LIMCH1: variants seen among roughly 807,000 people sequenced by gnomAD.
The protein encoded by LIMCH1 is LIM and calponin homology domains 1.
LIMCH1 carries 113 observed loss-of-function variants against 176.5 expected under a neutral mutation model. The observed-to-expected ratio is 0.64, with a 90% confidence interval of 0.55 to 0.75. The LOEUF is 0.75. Ranked by LOEUF, LIMCH1 falls within the 30% of genes least tolerant of loss-of-function variation. LIMCH1 has a pLI of 0.00. For missense variants in LIMCH1, 1,674 were observed against 1,814.9 expected (o/e 0.92, Z 1.41); for synonymous variants, 619 against 645.9 (o/e 0.96, Z 0.63).
chr4:41,620,754 C>A, intron 7 of LIMCH1, 64 bp downstream of exon 7: 1 of 1,455,750 alleles, frequency 6.9e-7, no homozygotes, highest in South Asian at 1.4e-5. Flanking sequence ...TGGAATCTGT[C>A]TAGAGAGTTG....
chr4:41,399,421 G>C (rs979493150), intron 1 of LIMCH1, among the ~76,000 whole-genome samples: 1 of 152,154 alleles, frequency 6.6e-6, no homozygotes, highest in African/African-American at 2.4e-5. Context: ...GAAGTTGGGC[G>C]ATCCTTTCAG....
Position 41,650,606 on chromosome 4 carries a change from G to A in LIMCH1, c.3034G>A (p.Ala1012Thr), listed in dbSNP as rs758843491. The A allele has an allele frequency of 5.0e-5, 81 of 1,611,472 alleles. No homozygotes were observed. The African/African-American group carries it at 5.9e-4, about 12-fold the overall frequency. The change falls in exon 18 of 32, where the codon GCA (alanine) becomes ACA (threonine). Residue 1012 changes from alanine to threonine, a missense_variant and splice_region_variant. Around this residue, in one of 3 missense-constraint regions of LIMCH1, gnomAD observed 1,015 missense variants for 1,102.5 expected, o/e 0.92. Coordinates refer to ENST00000503057, the MANE Select transcript of LIMCH1 (RefSeq NM_001330672.2). ...GCCAAACTCTGTTCCCCAAGAGCTC[G>A]CAGTAAGAACCAAACATTTCCCCGC... ...KKPNSVPQEL[A>T]ATTEKTEPNS...
intron 1 of LIMCH1, among the ~76,000 whole-genome samples, chr4:41,385,308 G>A (rs1392034968): frequency 6.6e-6 from 1 of 152,180 alleles, no homozygotes; most frequent in East Asian, 1.9e-4. Flanking sequence ...GTGAGCAAGT[G>A]AGCCTCCTCT....
At chr4:41,661,907 T>C in intron 19 of LIMCH1, 1 of 403,364 alleles carries the variant, frequency 2.5e-6, no homozygotes, top group South Asian at 1.8e-5. Context: ...TCACATATAG[T>C]TAAAAATGAA....
chr4:41,378,327 T>C (rs1247233785), intron 1 of LIMCH1, among the ~76,000 whole-genome samples: 4 of 152,206 alleles, frequency 2.6e-5, no homozygotes, highest in Non-Finnish European at 5.9e-5. Context: ...TTACTAATGC[T>C]ATGACTGTGG....
At chr4:41,606,085 A>G (rs983664418) in intron 4 of LIMCH1, 81 bp downstream of exon 4, 31 of 945,358 alleles carry the variant, frequency 3.3e-5, no homozygotes, top group Non-Finnish European at 5.2e-5. Flanking sequence ...TAAGATTACT[A>G]GAGTACTGGG....
intron 1 of LIMCH1, among the ~76,000 whole-genome samples, chr4:41,361,707 C>G (rs944367072): frequency 1.3e-5 from 2 of 152,196 alleles, no homozygotes; most frequent in African/African-American, 4.8e-5. Context: ...GTCCCGGAAG[C>G]GCTCACTGGG....
intron 1 of LIMCH1, among the ~76,000 whole-genome samples, chr4:41,438,033 G>T (rs528626047): frequency 6.6e-6 from 1 of 152,290 alleles, no homozygotes; most frequent in Non-Finnish European, 1.5e-5. Context: ...AGAAAGTGCT[G>T]GGGGCATTCA....
At chr4:41,450,906 T>C (rs1274502413) in intron 1 of LIMCH1, among the ~76,000 whole-genome samples, 2 of 151,936 alleles carry the variant, frequency 1.3e-5, no homozygotes, top group African/African-American at 4.8e-5. Flanking sequence ...ACAGATTGAG[T>C]TCTCAATTTG....
intron 1 of LIMCH1, among the ~76,000 whole-genome samples, chr4:41,567,905 A>C (rs367612008): frequency 1.3e-5 from 2 of 152,212 alleles, no homozygotes; most frequent in African/African-American, 4.8e-5. Context: ...CTGTAATCCC[A>C]GCACTCTGGG....
intron 3 of LIMCH1, among the ~76,000 whole-genome samples, chr4:41,524,702 T>A (rs928166793): frequency 2.0e-5 from 3 of 152,232 alleles, no homozygotes; most frequent in African/African-American, 2.4e-5. Flanking sequence ...GATAAGGACC[T>A]TCATTCTCAA....
rs1310882964 is a variant in LIMCH1 at position 41,632,855 on chromosome 4, G to C, written c.1708G>C (p.Gly570Arg). The C allele has an allele frequency of 6.5e-7, 1 of 1,536,142 alleles. No individual in the cohort carries two copies. The highest frequency in any genetic ancestry group is 8.7e-7 in the Non-Finnish European group (1 of 1,146,842). The part of the protein sequence containing the change: ...WVCSLGECPR[G>R]TEEVTSKQLP... Reference sequence around the variant, plus strand: ...CTGCAGTTTGGGCGAGTGCCCGAGGGGGACAGAGGAAGGTGAGGAGCAGTG... The same window carrying C: ...CTGCAGTTTGGGCGAGTGCCCGAGGCGGACAGAGGAAGGTGAGGAGCAGTG... Residue 570 changes from glycine to arginine, a missense_variant, in exon 11 of 32, where the codon GGG becomes CGG. Physicochemically the swap from Gly to Arg is moderately radical, Grantham distance 125. This residue lies in a region of LIMCH1 where 1,015 missense variants were observed against 1,102.5 expected (regional missense o/e 0.92). Coordinates refer to ENST00000503057, the MANE Select transcript of LIMCH1 (RefSeq NM_001330672.2).
Position 41,444,309 on chromosome 4 carries a change from TATATACACAC to T in LIMCH1, c.97-50225_97-50216del, listed in dbSNP as rs1202050101. 8.0e-5 allele frequency among the ~76,000 whole-genome samples: 8 copies of T among 99,574 alleles called. No individual in the cohort carries two copies. In the South Asian group the frequency reaches 1.2e-3, roughly 15 times the overall value. 65.3% of individuals were successfully genotyped at this position (99,574 alleles called of 152,430 possible). On this transcript the variant is annotated intron_variant, in intron 1 of 26. Coordinates refer to the LIMCH1 transcript ENST00000313860. ...GTATGTGTGTGAGTGTGTGTGTATA[TATATACACAC>T]ACACACACACACACACACACACACA...
chr4:41,408,699 T>A (rs1280749328), intron 1 of LIMCH1, among the ~76,000 whole-genome samples: 2 of 152,150 alleles, frequency 1.3e-5, no homozygotes, highest in Non-Finnish European at 2.9e-5. Flanking sequence ...TCAAAAAGGG[T>A]AGTTGAATCA....
chr4:41,633,152 CA>C, intron 12 of LIMCH1, 67 bp downstream of exon 12: 8 of 1,146,672 alleles, frequency 7.0e-6, no homozygotes, highest in South Asian at 1.4e-5. Flanking sequence ...GTCGTGTTCC[CA>C]AAAAAACAGC....
At chr4:41,509,492 T>C (rs1264874106) in intron 2 of LIMCH1, among the ~76,000 whole-genome samples, 1 of 152,234 alleles carries the variant, frequency 6.6e-6, no homozygotes, top group East Asian at 1.9e-4. Flanking sequence ...TTCTCCCTTG[T>C]CCTTCTGCCA....
intron 18 of LIMCH1, among the ~76,000 whole-genome samples, chr4:41,655,081 T>C (rs2094426631): frequency 6.6e-6 from 1 of 152,220 alleles, no homozygotes; most frequent in African/African-American, 2.4e-5. Flanking sequence ...GATATTTTTA[T>C]GTATGTCTCC....
At chr4:41,653,135 T>C (rs147649900) in intron 18 of LIMCH1, among the ~76,000 whole-genome samples, 82 of 152,272 alleles carry the variant, frequency 5.4e-4, no homozygotes, top group Admixed American at 1.0e-3. Flanking sequence ...CTGTACTACA[T>C]AGGACTGTGG....
At chr4:41,407,575 T>C (rs995821711) in intron 1 of LIMCH1, among the ~76,000 whole-genome samples, 21 of 152,222 alleles carry the variant, frequency 1.4e-4, no homozygotes, top group African/African-American at 4.6e-4. Context: ...GAGGGACTGG[T>C]CCGTGTCCAT....
Sources: gnomAD v4.1 joint callset for allele counts (sites outside exome capture counted in the v4.1 genomes callset) on GRCh38, gnomAD v4.1.1 for gene constraint, gnomAD v4.1.1 regional missense constraint, MANE v1.5 for transcripts, NCBI Gene and HGNC (gene_info 2026-07-23, HGNC 2026-07-21) for gene names.